AGAP1: variants seen among roughly 807,000 people sequenced by gnomAD.
AGAP1 encodes the protein ArfGAP with GTPase domain, ankyrin repeat and PH domain 1.
Under a neutral mutation model 105.3 loss-of-function variants are expected in AGAP1, and 29 were observed. That is an observed-to-expected ratio of 0.28 (90% CI 0.21 to 0.38). AGAP1 has a LOEUF of 0.38. Among genes scored for constraint, AGAP1 ranks in the 10% least tolerant of loss-of-function variants. AGAP1 has a pLI of 1.00. For missense variants in AGAP1, 998 were observed against 1,165.1 expected (o/e 0.86, Z 2.09); for synonymous variants, 509 against 485.9 (o/e 1.05, Z -0.63).
chr2:235,935,760 G>C (rs532842792), intron 12 of AGAP1, among the ~76,000 whole-genome samples: 1 of 152,074 alleles, frequency 6.6e-6, no homozygotes, highest in African/African-American at 2.4e-5. Flanking sequence ...AATTTTTTTT[G>C]ATTAATCATT....
chr2:235,806,387 A>T (rs73998927), intron 8 of AGAP1, among the ~76,000 whole-genome samples: 2,931 of 152,274 alleles, frequency 0.019, 96 homozygotes, highest in African/African-American at 0.067. Flanking sequence ...AATCTGTCAG[A>T]AAATCATTGT....
At position 235,599,629 on chromosome 2, in the gene AGAP1, C is replaced by A. The variant is rs1288959841; in HGVS notation, c.163+104780C>A. Among the ~76,000 whole-genome samples the A allele has an allele frequency of 6.6e-6, 1 of 152,152 alleles. No individual in the cohort carries two copies. The highest frequency in any genetic ancestry group is 2.1e-4 in the South Asian group (1 of 4,832). Reference sequence around the variant, plus strand: ...CATGGCCCATGTGGCTCCGGAAGTTCCTGGGAGTGGCTCGTAGAGCCTGTT... The same window carrying A: ...CATGGCCCATGTGGCTCCGGAAGTTACTGGGAGTGGCTCGTAGAGCCTGTT... On this transcript the variant is annotated intron_variant, in intron 1 of 17. Coordinates refer to ENST00000304032, the MANE Select transcript of AGAP1 (RefSeq NM_001037131.3). The surrounding 1 kb of genome is among the most constrained non-coding windows in gnomAD (Gnocchi z 5.3).
intron 12 of AGAP1, among the ~76,000 whole-genome samples, chr2:235,947,910 TA>T (rs2053567364): frequency 6.6e-6 from 1 of 152,232 alleles, no homozygotes; most frequent in Non-Finnish European, 1.5e-5. Flanking sequence ...AACTGAGTCC[TA>T]AATAATTTGA....
intron 1 of AGAP1, among the ~76,000 whole-genome samples, chr2:235,581,732 A>C (rs372775498): frequency 1.3e-5 from 2 of 152,068 alleles, no homozygotes; most frequent in Non-Finnish European, 2.9e-5. Flanking sequence ...TTGAACCCGG[A>C]AAGTGGAGGT....
chr2:235,773,838 A>C (rs1955646898), intron 6 of AGAP1: 1 of 430,476 alleles, frequency 2.3e-6, no homozygotes, highest in Non-Finnish European at 4.7e-6. Context: ...TCCTTGCACC[A>C]AAAAAAGAAA....
At position 235,893,214 on chromosome 2, in the gene AGAP1, CATA is replaced by C. The variant is rs1192656941; in HGVS notation, c.1155+9768_1155+9770del. 1.2e-4 allele frequency among the ~76,000 whole-genome samples: 18 copies of C among 148,104 alleles called. No homozygotes were observed. Among genetic ancestry groups the C allele is most frequent in the African/African-American group, 4.5e-4 (18 of 39,900 alleles). On this transcript the variant is annotated intron_variant, in intron 10 of 17. Transcript: ENST00000304032. This position sits in a 1 kb window ranked among gnomAD's most constrained non-coding sequence, Gnocchi z 4.7. Reference sequence around the variant, plus strand: ...TGTGGCGTGGGTGTGCCATGTCCATCATAATGAAGCACCATGTCTGTAGCGCGG... The same window carrying C: ...TGTGGCGTGGGTGTGCCATGTCCATCATGAAGCACCATGTCTGTAGCGCGG...
intron 1 of AGAP1, among the ~76,000 whole-genome samples, chr2:235,560,630 A>AT (rs1486704917): frequency 6.6e-6 from 1 of 152,120 alleles, no homozygotes; most frequent in Admixed American, 6.5e-5. Flanking sequence ...GGCTTTGATG[A>AT]TGGAGGGAGG....
At position 236,082,527 on chromosome 2, in the gene AGAP1, CA is replaced by C. The variant is rs781548543; in HGVS notation, c.2114+33247del. On this transcript the variant is annotated intron_variant, in intron 16 of 17. Transcript: ENST00000304032. The surrounding 1 kb of genome is among the most constrained non-coding windows in gnomAD (Gnocchi z 4.2). ...GGAAGATGGTTCCCAAAAGGCCTAT[CA>C]GGGGCAAACAGCTCACCTGCAGTGG... is the stretch of plus-strand genomic sequence containing the variant. Among the ~76,000 whole-genome samples the C allele has an allele frequency of 6.6e-6, 1 of 152,180 alleles. No individual in the cohort carries two copies. Among genetic ancestry groups the C allele is most frequent in the Non-Finnish European group, 1.5e-5 (1 of 68,040 alleles).
chr2:236,046,040 G>A lies in AGAP1; in HGVS notation c.1892-3019G>A. Reference sequence around the variant, plus strand: ...GGAGCTGCTGGGGGGAGGTAGGAGGGGGTGCACCACGGTCTGAACGAGGGG... The same window carrying A: ...GGAGCTGCTGGGGGGAGGTAGGAGGAGGTGCACCACGGTCTGAACGAGGGG... On this transcript the variant is annotated intron_variant, in intron 15 of 17. Transcript: ENST00000304032. This position sits in a 1 kb window ranked among gnomAD's most constrained non-coding sequence, Gnocchi z 5.2. 1 of 471,374 alleles carries A rather than the reference G, an allele frequency of 2.1e-6. No individual in the cohort carries two copies. The highest frequency in any genetic ancestry group is 4.4e-6 in the Non-Finnish European group (1 of 226,992). 29.2% of individuals were successfully genotyped at this position (471,374 alleles called of 1,614,324 possible).
chr2:235,797,478 A>C (rs1559499700), intron 6 of AGAP1, among the ~76,000 whole-genome samples: 1 of 151,944 alleles, frequency 6.6e-6, no homozygotes, highest in Non-Finnish European at 1.5e-5. Context: ...GCTCTCCAGG[A>C]AGATCCTTAA....
chr2:235,758,454 TC>T (rs1207292579), intron 6 of AGAP1, among the ~76,000 whole-genome samples: 2 of 152,138 alleles, frequency 1.3e-5, no homozygotes, highest in Non-Finnish European at 2.9e-5. Context: ...GGCCATCATT[TC>T]CCGTTTCTAC....
In AGAP1 at chr2:235,737,950, G is replaced by C. The variant is rs962893897; in HGVS notation, c.311-3013G>C. Among the ~76,000 whole-genome samples, 1 of 151,900 alleles carries C rather than the reference G, an allele frequency of 6.6e-6. No individual in the cohort carries two copies. The highest frequency in any genetic ancestry group is 2.4e-5 in the African/African-American group (1 of 41,358). On this transcript the variant is annotated intron_variant, in intron 3 of 17. Transcript: ENST00000304032. The surrounding 1 kb of genome is among the most constrained non-coding windows in gnomAD (Gnocchi z 4.5). The stretch of plus-strand genomic sequence containing the variant: ...GCAGGGAGGGCTTCCACATACCCTT[G>C]TATCTGGGGCAACCATCAGAGGGCA...
chr2:235,760,252 G>A (rs1296544102), intron 6 of AGAP1, among the ~76,000 whole-genome samples: 1 of 152,156 alleles, frequency 6.6e-6, no homozygotes. Context: ...GGTGGCGTGT[G>A]CCTGTAGTCC....
Position 236,058,928 on chromosome 2 carries a change from G to T in AGAP1, c.2114+9647G>T, listed in dbSNP as rs924652866. Reference sequence around the variant, plus strand: ...TTCTGTAGTCCCAGCTACTCAAGAGGCTCAGGCAGGAGGATTGCTTGAGCC... The same window carrying T: ...TTCTGTAGTCCCAGCTACTCAAGAGTCTCAGGCAGGAGGATTGCTTGAGCC... On this transcript the variant is annotated intron_variant, in intron 16 of 17. Coordinates refer to ENST00000304032, the MANE Select transcript of AGAP1 (RefSeq NM_001037131.3). The surrounding 1 kb of genome is among the most constrained non-coding windows in gnomAD (Gnocchi z 4.6). Among the ~76,000 whole-genome samples the T allele has an allele frequency of 1.3e-5, 2 of 152,128 alleles. No individual in the cohort carries two copies. Among genetic ancestry groups the T allele is most frequent in the African/African-American group, 4.8e-5 (2 of 41,434 alleles).
At chr2:235,709,127 T>C (rs1339107958) in intron 1 of AGAP1, 52 bp from the exon 2 acceptor site, 75 of 1,590,492 alleles carry the variant, frequency 4.7e-5, no homozygotes, top group Non-Finnish European at 6.4e-5. Context: ...GCATTTTGAC[T>C]TGGCCTTTAC....
chr2:235,968,416 C>T lies in AGAP1; in HGVS notation c.1484-46C>T, dbSNP rs765498358. 2.2e-5 allele frequency: 33 copies of T among 1,526,000 alleles called. No individual in the cohort carries two copies. In the South Asian group the frequency reaches 4.0e-4, roughly 19 times the overall value. 94.5% of individuals were successfully genotyped at this position (1,526,000 alleles called of 1,614,324 possible). A position where few individuals can be genotyped will look rare whatever the true frequency, so the allele number is the denominator to read the frequency against. On this transcript the variant is annotated intron_variant, in intron 12 of 17. Transcript: ENST00000304032. ...GCGCATTCTGCTTTGTAAGTGCTCA[C>T]TCTGCATTTTTTTTTTTTTTTTTGC... is the stretch of plus-strand genomic sequence containing the variant.
intron 6 of AGAP1, among the ~76,000 whole-genome samples, chr2:235,757,244 G>A (rs1175214662): frequency 1.3e-5 from 2 of 152,210 alleles, no homozygotes; most frequent in Non-Finnish European, 2.9e-5. Flanking sequence ...ATAGACTTCT[G>A]TCCTAGAACA....
chr2:235,636,231 TCTC>T (rs1467259332), intron 1 of AGAP1, among the ~76,000 whole-genome samples: 1 of 152,150 alleles, frequency 6.6e-6, no homozygotes, highest in Non-Finnish European at 1.5e-5. Flanking sequence ...TCTGGTTTCT[TCTC>T]CTTTCTTCAG....
At chr2:235,562,077 T>A (rs138065526) in intron 1 of AGAP1, among the ~76,000 whole-genome samples, 119 of 152,306 alleles carry the variant, frequency 7.8e-4, no homozygotes, top group African/African-American at 2.8e-3. Context: ...GTATGTGTAG[T>A]GTTACACCTT....
Sources: allele counts gnomAD v4.1 joint callset (sites outside exome capture counted in the v4.1 genomes callset), GRCh38; gene constraint gnomAD v4.1.1; non-coding constraint Gnocchi (gnomAD v3.1); transcripts MANE v1.5; gene names NCBI Gene and HGNC (gene_info 2026-07-23, HGNC 2026-07-21).